SAP130: variants seen among roughly 807,000 people sequenced by gnomAD.
SAP130 encodes Sin3A associated protein 130, also known as histone deacetylase complex subunit SAP130.
A neutral mutation model predicts 103.2 loss-of-function variants in SAP130; 16 were observed. The observed-to-expected ratio is 0.16, with a 90% CI of 0.10 to 0.24. The LOEUF (loss-of-function observed/expected upper bound fraction) is 0.24, where lower values mean the gene tolerates loss of function less well. Ranked by LOEUF, SAP130 falls within the 10% of genes least tolerant of loss-of-function variation. The pLI is 1.00. For synonymous variants in SAP130, 477 were observed against 497.0 expected, an observed-to-expected ratio of 0.96 and a Z score of 0.53; for missense variants, 990 against 1,359.7, an observed-to-expected ratio of 0.73 and a Z score of 4.28.
At chr2:127,962,829 G>A (rs1232950918) in intron 15 of SAP130, among the ~76,000 whole-genome samples, 1 of 151,262 alleles carries the variant, frequency 6.6e-6, no homozygotes, top group Non-Finnish European at 1.5e-5. Context: ...GTATACATAT[G>A]TAACAAACCT....
At chr2:128,016,347 G>T (rs370430241) in intron 4 of SAP130, 42 bp downstream of exon 4, 10 of 1,585,178 alleles carry the variant, frequency 6.3e-6, no homozygotes, top group Non-Finnish European at 8.6e-6. Context: ...CAACAGTTTG[G>T]CATTTCAGTT....
intron 11 of SAP130, among the ~76,000 whole-genome samples, chr2:127,994,136 TTAGA>T (rs1328770463): frequency 1.3e-5 from 2 of 152,204 alleles, no homozygotes; most frequent in Admixed American, 1.3e-4. Context: ...TATTCATGTT[TTAGA>T]TAAATTTTAA....
chr2:127,950,170 C>T lies in SAP130; in HGVS notation c.2661G>A (p.Lys887=). Residue 887 remains lysine, a synonymous_variant, in exon 17 of 21, where the codon AAG becomes AAA. Coordinates refer to ENST00000643581, the MANE Select transcript of SAP130 (RefSeq NM_001330301.2). ...VKAEKRKSPP[K]EYIDEEGVRY... is the part of the protein sequence containing the mutation. ...GCCTGTGACCATTACCAATATACTC[C>T]TTGGGAGGAGACTTGCGCTTCTCAG... The T allele has an allele frequency of 8.1e-6, 13 of 1,614,194 alleles. No individual in the cohort carries two copies. The highest frequency in any genetic ancestry group is 1.1e-5 in the Non-Finnish European group (13 of 1,180,038).
At chr2:128,008,073 GC>G (rs1490254711) in intron 7 of SAP130, among the ~76,000 whole-genome samples, 5 of 152,102 alleles carry the variant, frequency 3.3e-5, no homozygotes, top group Non-Finnish European at 7.4e-5. Flanking sequence ...CCTGCTTTTA[GC>G]TGACAGGTCC....
chr2:127,946,957 C>T (rs1385774733), intron 18 of SAP130, among the ~76,000 whole-genome samples: 4 of 145,916 alleles, frequency 2.7e-5, no homozygotes, highest in African/African-American at 1.0e-4. Flanking sequence ...AATCCAATGA[C>T]TGGTGTCCAT....
Position 127,989,417 on chromosome 2 carries a change from TA to T in SAP130, c.1780+146del. 1.4e-6 allele frequency: 1 copy of T among 738,928 alleles called. No individual in the cohort carries two copies. The highest frequency in any genetic ancestry group is 3.0e-4 in the Middle Eastern group (1 of 3,296). The allele number at this position is 738,928 out of a possible 1,614,324, so 45.8% of individuals were successfully genotyped here. A position where few individuals can be genotyped will look rare whatever the true frequency, so the allele number is the denominator to read the frequency against. On this transcript the variant is annotated intron_variant, in intron 13 of 20. Transcript: ENST00000643581. The surrounding 1 kb of genome is among the most constrained non-coding windows in gnomAD (Gnocchi z 4.6). The stretch of plus-strand genomic sequence containing the variant: ...AACGTTTACAGTGACCCTGAAACTC[TA>T]AGTTCTAAGCAACTCATATTATTAA...
intron 15 of SAP130, among the ~76,000 whole-genome samples, chr2:127,967,138 G>A (rs1680712168): frequency 6.6e-6 from 1 of 152,112 alleles, no homozygotes; most frequent in Admixed American, 6.6e-5. Flanking sequence ...CTAATTAAAG[G>A]GCATAAAGTT....
At chr2:127,964,472 C>T (rs528888919) in intron 15 of SAP130, among the ~76,000 whole-genome samples, 16 of 109,132 alleles carry the variant, frequency 1.5e-4, no homozygotes, top group Middle Eastern at 0.021. Context: ...CCAGCCTGGG[C>T]GACAAGAGCG....
chr2:127,986,748 A>C lies in SAP130; in HGVS notation c.1958+37T>G. 1 of 1,599,558 alleles carries C rather than the reference A, an allele frequency of 6.3e-7. No individual in the cohort carries two copies. The highest frequency in any genetic ancestry group is 8.6e-7 in the Non-Finnish European group (1 of 1,169,002). ...ATTATGTATACCAGTTATATCCAGA[A>C]CCAGAGGTGTCATTCGGCACTACCA... On this transcript the variant is annotated intron_variant, in intron 14 of 20. Coordinates refer to ENST00000643581, the MANE Select transcript of SAP130 (RefSeq NM_001330301.2). This position sits in a 1 kb window ranked among gnomAD's most constrained non-coding sequence, Gnocchi z 4.7.
chr2:127,977,276 G>T (rs1320707002), intron 15 of SAP130, among the ~76,000 whole-genome samples: 1 of 151,094 alleles, frequency 6.6e-6, no homozygotes, highest in Non-Finnish European at 1.5e-5. Context: ...GATCAATTGA[G>T]GTCAGGAGTT....
intron 15 of SAP130, among the ~76,000 whole-genome samples, chr2:127,975,381 G>T (rs1400773041): frequency 6.6e-6 from 1 of 151,838 alleles, no homozygotes; most frequent in Non-Finnish European, 1.5e-5. Flanking sequence ...AAATGGCCCA[G>T]CAAAAAGAAA....
chr2:127,965,709 G>A (rs187501636), intron 15 of SAP130, among the ~76,000 whole-genome samples: 10 of 152,046 alleles, frequency 6.6e-5, no homozygotes, highest in Admixed American at 4.6e-4. Flanking sequence ...AGAATTGCTT[G>A]AACCAGGGAG....
chr2:127,995,839 T>C (rs188230134), intron 11 of SAP130, among the ~76,000 whole-genome samples: 4 of 152,292 alleles, frequency 2.6e-5, no homozygotes, highest in Admixed American at 1.3e-4. Flanking sequence ...ATGAGCTCTC[T>C]GATGCAATGG....
chr2:127,950,503 G>T (rs932031122), intron 16 of SAP130, 95 bp from the exon 17 acceptor site: 1 of 1,367,642 alleles, frequency 7.3e-7, no homozygotes, highest in Non-Finnish European at 1.0e-6. Context: ...TAAGAAGACA[G>T]CACAGAGCAC....
chr2:127,944,041 TC>T (rs1245126278), intron 19 of SAP130, among the ~76,000 whole-genome samples: 2 of 152,116 alleles, frequency 1.3e-5, no homozygotes, highest in African/African-American at 4.8e-5. Context: ...TTTGTTTTCT[TC>T]CTTTTTTTTG....
intron 14 of SAP130, among the ~76,000 whole-genome samples, chr2:127,985,574 T>C (rs1682316993): frequency 6.6e-6 from 1 of 152,000 alleles, no homozygotes; most frequent in Non-Finnish European, 1.5e-5. Flanking sequence ...CAAAACACTA[T>C]CTGCTACCAA....
At chr2:128,005,666 A>C (rs1172371209) in intron 7 of SAP130, among the ~76,000 whole-genome samples, 1 of 145,864 alleles carries the variant, frequency 6.9e-6, no homozygotes, top group Admixed American at 6.8e-5. Flanking sequence ...TTTTTTTTTG[A>C]GACAGTGTCT....
intron 6 of SAP130, 75 bp downstream of exon 6, chr2:128,012,955 T>C: frequency 1.4e-6 from 2 of 1,410,550 alleles, no homozygotes; most frequent in Non-Finnish European, 1.9e-6. Flanking sequence ...GTCCCTGAGG[T>C]CAAGGATGTG....
At position 127,996,009 on chromosome 2, in the gene SAP130, G is replaced by A. The variant is rs989352107; in HGVS notation, c.1355+341C>T. On this transcript the variant is annotated intron_variant, in intron 11 of 20. Transcript: ENST00000643581. The surrounding 1 kb of genome is among the most constrained non-coding windows in gnomAD (Gnocchi z 4.3). Reference sequence around the variant, plus strand: ...CGGAATCCTTTCAGATAGCTGTACCGCGGTGACATCAAAGAATGTCTTTAC... The same window carrying A: ...CGGAATCCTTTCAGATAGCTGTACCACGGTGACATCAAAGAATGTCTTTAC... Among the ~76,000 whole-genome samples, 3 of 152,092 alleles carry A rather than the reference G, an allele frequency of 2.0e-5. No homozygotes were observed. Among genetic ancestry groups the A allele is most frequent in the South Asian group, 2.1e-4 (1 of 4,824 alleles).
Sources: gnomAD v4.1 joint callset for allele counts (sites outside exome capture counted in the v4.1 genomes callset) on GRCh38, gnomAD v4.1.1 for gene constraint, Gnocchi (gnomAD v3.1) non-coding constraint, MANE v1.5 for transcripts, NCBI Gene and HGNC (gene_info 2026-07-23, HGNC 2026-07-21) for gene names.